Variants in NOL4 observed in about 807,000 individuals in gnomAD.
NOL4 encodes the protein nucleolar protein 4, also known as cancer/testis antigen 125.
Under a neutral mutation model 75.9 loss-of-function variants are expected in NOL4, and 17 were observed. That is an observed-to-expected ratio of 0.22 (90% CI 0.15 to 0.34). The LOEUF (loss-of-function observed/expected upper bound fraction) is 0.34, where lower values mean the gene tolerates loss of function less well. Among genes scored for constraint, NOL4 ranks in the 10% least tolerant of loss-of-function variants. The pLI, the probability that NOL4 is intolerant of heterozygous loss-of-function variation, is 1.00. For synonymous variants in NOL4, 292 were observed against 289.9 expected (o/e 1.01, Z -0.07); for missense variants, 614 against 793.5 (o/e 0.77, Z 2.72).
At chr18:33,938,434 C>T (rs1412748535) in intron 9 of NOL4, among the ~76,000 whole-genome samples, 3 of 152,128 alleles carry the variant, frequency 2.0e-5, no homozygotes, top group Non-Finnish European at 4.4e-5. Flanking sequence ...CACATCCTCT[C>T]CAGCATCTGT....
At chr18:34,036,837 C>T (rs1396270481) in intron 5 of NOL4, among the ~76,000 whole-genome samples, 2 of 152,134 alleles carry the variant, frequency 1.3e-5, no homozygotes, top group East Asian at 3.9e-4. Flanking sequence ...GAGGCTGAGG[C>T]AGGAGAATCG....
intron 6 of NOL4, among the ~76,000 whole-genome samples, chr18:33,965,791 C>T (rs1415564571): frequency 1.3e-5 from 2 of 152,148 alleles, no homozygotes; most frequent in Admixed American, 1.3e-4. Context: ...GTCAATTAAA[C>T]TTCTTTCCTT....
chr18:33,911,384 A>G (rs1419992515), intron 9 of NOL4, among the ~76,000 whole-genome samples: 1 of 151,722 alleles, frequency 6.6e-6, no homozygotes, highest in Non-Finnish European at 1.5e-5. Context: ...CCAGATGCTC[A>G]CCCTCCTAAA....
At chr18:33,964,559 G>T (rs988640710) in intron 6 of NOL4, among the ~76,000 whole-genome samples, 1 of 152,076 alleles carries the variant, frequency 6.6e-6, no homozygotes, top group Non-Finnish European at 1.5e-5. Flanking sequence ...AGAGTGAGAA[G>T]TTGAACCCAA....
chr18:34,145,611 T>C (rs1298334676), intron 1 of NOL4, among the ~76,000 whole-genome samples: 1 of 151,876 alleles, frequency 6.6e-6, no homozygotes. Flanking sequence ...TTCCTTGACA[T>C]CTTCTCATGT....
chr18:33,856,009 A>G (rs2062822265), intron 10 of NOL4, among the ~76,000 whole-genome samples: 1 of 152,020 alleles, frequency 6.6e-6, no homozygotes, highest in African/African-American at 2.4e-5. Flanking sequence ...TCTTTGAAAG[A>G]CTATGGCATA....
rs191811772 is a variant in NOL4 at position 34,157,328 on chromosome 18, T to C, written c.265-27308A>G. Among the ~76,000 whole-genome samples, 130 of 152,302 alleles carry C rather than the reference T, an allele frequency of 8.5e-4. 1 individual carries two copies. Among genetic ancestry groups the C allele is most frequent in the African/African-American group, 2.9e-3 (121 of 41,576 alleles). ...TTAGATAAATATATACCTCAATAAA[T>C]GGCCCTCATGCTTCTGATCTTGTGT... On this transcript the variant is annotated intron_variant, in intron 1 of 10. Transcript: ENST00000261592.
chr18:33,960,892 C>T (rs1015134942), intron 6 of NOL4, among the ~76,000 whole-genome samples: 1 of 152,040 alleles, frequency 6.6e-6, no homozygotes, highest in East Asian at 1.9e-4. Context: ...AGAAGTACCT[C>T]TGTGACAAGA....
At chr18:34,208,021 C>G (rs1382717793) in intron 1 of NOL4, among the ~76,000 whole-genome samples, 1 of 152,152 alleles carries the variant, frequency 6.6e-6, no homozygotes, top group East Asian at 1.9e-4. Flanking sequence ...GAACCCTATT[C>G]CTGGTCCTCT....
At chr18:34,163,910 G>T (rs144297912) in intron 1 of NOL4, among the ~76,000 whole-genome samples, 1 of 152,076 alleles carries the variant, frequency 6.6e-6, no homozygotes, top group South Asian at 2.1e-4. Context: ...TCAATGGAAC[G>T]GAACAGAGCC....
intron 8 of NOL4, among the ~76,000 whole-genome samples, chr18:33,955,301 T>C (rs2145709644): frequency 6.6e-6 from 1 of 152,196 alleles, no homozygotes; most frequent in Non-Finnish European, 1.5e-5. Context: ...CCCATGCTTA[T>C]GATATCAGGG....
At chr18:34,079,269 A>G (rs1166583389) in intron 5 of NOL4, among the ~76,000 whole-genome samples, 1 of 152,044 alleles carries the variant, frequency 6.6e-6, no homozygotes, top group African/African-American at 2.4e-5. Context: ...TCATATGTCT[A>G]TCATTGTTAA....
At chr18:33,884,648 A>G (rs36120024) in intron 9 of NOL4, among the ~76,000 whole-genome samples, 1 of 151,590 alleles carries the variant, frequency 6.6e-6, no homozygotes, top group African/African-American at 2.4e-5. Context: ...GGAAAGAATT[A>G]TAAAGAGATT....
intron 1 of NOL4, among the ~76,000 whole-genome samples, chr18:34,134,920 C>T (rs1402442915): frequency 1.3e-5 from 2 of 152,094 alleles, no homozygotes; most frequent in Non-Finnish European, 2.9e-5. Flanking sequence ...AAAACAAAGA[C>T]ACAACATGCC....
At chr18:34,191,610 G>A (rs916658987) in intron 1 of NOL4, among the ~76,000 whole-genome samples, 8 of 152,040 alleles carry the variant, frequency 5.3e-5, no homozygotes, top group East Asian at 1.9e-4. Context: ...TTTGCTTGCC[G>A]TGTCAAGCAA....
At chr18:33,983,255 CTATAA>C (rs1036549872) in intron 6 of NOL4, among the ~76,000 whole-genome samples, 4 of 152,116 alleles carry the variant, frequency 2.6e-5, no homozygotes, top group South Asian at 4.1e-4. Flanking sequence ...TTATATGATA[CTATAA>C]TATAAGTATA....
intron 1 of NOL4, among the ~76,000 whole-genome samples, chr18:34,188,531 T>C (rs2146383327): frequency 6.6e-6 from 1 of 152,288 alleles, no homozygotes; most frequent in Middle Eastern, 3.4e-3. Flanking sequence ...TTAAATCTGC[T>C]CAGAACACTT....
rs538544277 is a variant in NOL4, at chr18:34,035,946, C to T, written c.773-16345G>A. On this transcript the variant is annotated intron_variant, in intron 5 of 10. Transcript: ENST00000261592. ...ATCAGAAACAAATAGAAAACCTGAA[C>T]AGACCAGTAATGAGTAGTGAGATTG... Among the ~76,000 whole-genome samples the T allele has an allele frequency of 4.6e-5, 7 of 152,122 alleles. No homozygotes were observed. In the East Asian group the frequency reaches 1.4e-3, roughly 29 times the overall value.
chr18:34,130,436 C>T (rs978583710), intron 1 of NOL4, among the ~76,000 whole-genome samples: 5 of 151,408 alleles, frequency 3.3e-5, no homozygotes, highest in South Asian at 4.2e-4. Context: ...AACTGTAATT[C>T]GAGAAATGAA....
Sources: gnomAD v4.1 joint callset for allele counts (sites outside exome capture counted in the v4.1 genomes callset) on GRCh38, gnomAD v4.1.1 for gene constraint, MANE v1.5 for transcripts, NCBI Gene and HGNC (gene_info 2026-07-23, HGNC 2026-07-21) for gene names.